The following ANKS1B variants were observed in gnomAD, a reference collection of about 807,000 sequenced individuals.
The protein encoded by ANKS1B is ankyrin repeat and sterile alpha motif domain-containing protein 1B.
ANKS1B carries 36 observed loss-of-function variants against 148.3 expected under a neutral mutation model. The ratio of observed to expected loss-of-function variants is 0.24; its 90% CI spans 0.19 to 0.32. The LOEUF (loss-of-function observed/expected upper bound fraction) is 0.32. ANKS1B is among the 10% of genes least tolerant of loss of function. ANKS1B has a pLI of 1.00. For missense variants in ANKS1B, 1,157 were observed against 1,542.6 expected (o/e 0.75, Z 4.19); for synonymous variants, 542 against 560.8 (o/e 0.97, Z 0.47).
In ANKS1B at chr12:99,404,494, G is replaced by A. The variant is rs1294209930; in HGVS notation, c.1576-4683C>T. Among the ~76,000 whole-genome samples, 6 of 145,714 alleles carry A rather than the reference G, an allele frequency of 4.1e-5. 1 individual carries two copies. Among genetic ancestry groups the A allele is most frequent in the African/African-American group, 1.6e-4 (6 of 38,400 alleles). Reference sequence around the variant, plus strand: ...AGCAGAAATTCTGGAGCTGAAAAATGCAACTGGTATACTGAAGAATGCATT... The same window carrying A: ...AGCAGAAATTCTGGAGCTGAAAAATACAACTGGTATACTGAAGAATGCATT... On this transcript the variant is annotated intron_variant, in intron 11 of 26. Transcript: ENST00000683438.
chr12:99,455,109 C>A (rs983594570), intron 10 of ANKS1B, among the ~76,000 whole-genome samples: 2 of 152,086 alleles, frequency 1.3e-5, no homozygotes, highest in Non-Finnish European at 2.9e-5. Context: ...ACAACCTATT[C>A]TTTTCTCCGG....
Position 99,471,603 on chromosome 12 carries a change from C to T in ANKS1B, c.1439-27794G>A, listed in dbSNP as rs12321963. 1.0e-2 allele frequency among the ~76,000 whole-genome samples: 1,520 copies of T among 152,066 alleles called. 24 individuals are homozygous for T. Among genetic ancestry groups the T allele is most frequent in the African/African-American group, 0.034 (1,429 of 41,508 alleles). ...ACTCACTGATCAATGTGTCAGTAGA[C>T]AGGTTTGTAATGAGTAGACATAAAA... On this transcript the variant is annotated intron_variant, in intron 10 of 26. Transcript: ENST00000683438.
chr12:98,999,160 T>C (rs1010188798), intron 17 of ANKS1B, among the ~76,000 whole-genome samples: 1 of 152,224 alleles, frequency 6.6e-6, no homozygotes, highest in Non-Finnish European at 1.5e-5. Flanking sequence ...ACCGTGCAAC[T>C]GGAGCTTTAA....
intron 12 of ANKS1B, among the ~76,000 whole-genome samples, chr12:99,372,967 A>G (rs2093220756): frequency 6.6e-6 from 1 of 152,128 alleles, no homozygotes; most frequent in Non-Finnish European, 1.5e-5. Context: ...ATTGGTTATG[A>G]TTAAAACAGC....
intron 1 of ANKS1B, among the ~76,000 whole-genome samples, chr12:99,916,072 T>C (rs911529303): frequency 6.6e-6 from 1 of 152,136 alleles, no homozygotes. Context: ...CTATGACAAG[T>C]AGTTAATAAG....
intron 12 of ANKS1B, chr12:99,343,603 C>T (rs1288753399): frequency 6.6e-6 from 1 of 152,008 alleles, no homozygotes; most frequent in Non-Finnish European, 1.5e-5. Context: ...TTACTCTCAC[C>T]ATATAACCAT....
At chr12:99,367,692 G>A (rs942137367) in intron 12 of ANKS1B, among the ~76,000 whole-genome samples, 8 of 152,068 alleles carry the variant, frequency 5.3e-5, no homozygotes, top group South Asian at 2.1e-4. Context: ...GACCTTAAAG[G>A]AAGTGAAGAC....
chr12:99,646,026 T>TAAAA lies in ANKS1B; in HGVS notation c.1272+9037_1272+9040dup, dbSNP rs34337860. 1.1e-3 allele frequency among the ~76,000 whole-genome samples: 150 copies of TAAAA among 131,842 alleles called. 3 individuals carry two copies. The highest frequency in any genetic ancestry group is 1.8e-3 in the African/African-American group (63 of 35,556). 86.5% of individuals were successfully genotyped at this position (131,842 alleles called of 152,430 possible). A position where few individuals can be genotyped will look rare whatever the true frequency, so the allele number is the denominator to read the frequency against. ...AAAAAAGTACTTTTAAGAAAATCAG[T>TAAAA]AAAAAAAAAAAAAAAAGGCACTTAA... is the stretch of plus-strand genomic sequence containing the variant. On this transcript the variant is annotated intron_variant, in intron 9 of 26. Coordinates refer to ENST00000683438, the MANE Select transcript of ANKS1B (RefSeq NM_001352186.2).
rs147299496 is a variant in ANKS1B, at chr12:99,729,422, T to C, written c.1128+43500A>G. On this transcript the variant is annotated intron_variant, in intron 8 of 26. Transcript: ENST00000683438. ...TTTTCTTCTGGCAATTTAAATTTTATAGTTGAGGTTCTTAGAGTGAACTTT... is the reference window on the plus strand; with the variant it reads ...TTTTCTTCTGGCAATTTAAATTTTACAGTTGAGGTTCTTAGAGTGAACTTT... 5.2e-3 allele frequency among the ~76,000 whole-genome samples: 791 copies of C among 152,286 alleles called. 1 individual carries two copies. Among genetic ancestry groups the C allele is most frequent in the Non-Finnish European group, 8.2e-3 (559 of 68,014 alleles).
chr12:99,808,111 G>A (rs552469522), intron 3 of ANKS1B, among the ~76,000 whole-genome samples: 3 of 152,030 alleles, frequency 2.0e-5, no homozygotes, highest in Non-Finnish European at 4.4e-5. Flanking sequence ...GAAGAGCTGG[G>A]AATTAGTGAT....
chr12:99,741,961 T>A (rs1485550452), intron 8 of ANKS1B, among the ~76,000 whole-genome samples: 1 of 152,074 alleles, frequency 6.6e-6, no homozygotes, highest in Non-Finnish European at 1.5e-5. Flanking sequence ...GGGATATGGA[T>A]GGACCTAGAG....
intron 14 of ANKS1B, among the ~76,000 whole-genome samples, chr12:99,230,091 T>C (rs752154263): frequency 6.6e-6 from 1 of 152,108 alleles, no homozygotes; most frequent in Non-Finnish European, 1.5e-5. Context: ...TCCTTATTAA[T>C]TACAGCCTCC....
At chr12:99,938,182 C>A (rs531147271) in intron 1 of ANKS1B, among the ~76,000 whole-genome samples, 24 of 152,146 alleles carry the variant, frequency 1.6e-4, no homozygotes, top group Non-Finnish European at 3.5e-4. Context: ...TGTCTTTTAC[C>A]GGCTTTAAGG....
chr12:99,563,073 C>T (rs1306830609), intron 9 of ANKS1B, among the ~76,000 whole-genome samples: 3 of 152,120 alleles, frequency 2.0e-5, no homozygotes, highest in Non-Finnish European at 4.4e-5. Flanking sequence ...GAGAGTTAAG[C>T]CTTGTTCTTT....
chr12:98,741,157 C>T (rs540255612), downstream of ANKS1B, among the ~76,000 whole-genome samples: 5 of 152,162 alleles, frequency 3.3e-5, no homozygotes, highest in Non-Finnish European at 7.3e-5. Context: ...AGTTCAATTC[C>T]TAACTGATAC....
intron 17 of ANKS1B, among the ~76,000 whole-genome samples, chr12:99,032,834 AAC>A (rs1286206878): frequency 3.9e-5 from 6 of 152,184 alleles, no homozygotes; most frequent in Non-Finnish European, 5.9e-5. Flanking sequence ...TGTTTCAGGA[AAC>A]ACGTGTTTTA....
At chr12:99,019,861 G>A (rs1009307419) in intron 17 of ANKS1B, among the ~76,000 whole-genome samples, 4 of 152,156 alleles carry the variant, frequency 2.6e-5, no homozygotes, top group African/African-American at 7.2e-5. Flanking sequence ...ATTTAAAAGT[G>A]TTGAACTGTA....
intron 12 of ANKS1B, among the ~76,000 whole-genome samples, chr12:99,267,259 C>A (rs2076538461): frequency 6.6e-6 from 1 of 152,146 alleles, no homozygotes; most frequent in Non-Finnish European, 1.5e-5. Context: ...ATACAATGCA[C>A]CTTTCCAGAG....
intron 1 of ANKS1B, among the ~76,000 whole-genome samples, chr12:99,980,794 C>T (rs2095690092): frequency 1.3e-5 from 2 of 152,010 alleles, no homozygotes; most frequent in Non-Finnish European, 2.9e-5. Flanking sequence ...ATGAATTAGA[C>T]TGCTTTATAT....
Sources: allele counts gnomAD v4.1 joint callset (sites outside exome capture counted in the v4.1 genomes callset), GRCh38; gene constraint gnomAD v4.1.1; transcripts MANE v1.5; gene names NCBI Gene and HGNC (gene_info 2026-07-23, HGNC 2026-07-21).